SGO2: variants seen among roughly 807,000 people sequenced by gnomAD.
The protein encoded by SGO2 is shugoshin 2, also known as shugoshin-like 2.
Under a neutral mutation model 99.5 loss-of-function variants are expected in SGO2, and 68 were observed. The ratio of observed to expected loss-of-function variants is 0.68; its 90% CI spans 0.56 to 0.84. The LOEUF (loss-of-function observed/expected upper bound fraction) is 0.84. SGO2 is among the 40% of genes least tolerant of loss of function. SGO2 has a pLI of 0.00. For missense variants in SGO2, 1,350 were observed against 1,436.7 expected (o/e 0.94, Z 0.97); for synonymous variants, 457 against 487.1 (o/e 0.94, Z 0.81).
At position 200,571,078 on chromosome 2, in the gene SGO2, T is replaced by C. The variant is rs2033394747; in HGVS notation, c.732T>C (p.Ser244=). ...RESHSHSDQS[S]KTSLMSEMRN... ...GCCATTCCCACTCAGACCAAAGTTC[T>C]AAGACTTCTCTAATGAGTGAGATGA... Residue 244 remains serine (S), a synonymous_variant, in exon 7 of 9, where the codon TCT becomes TCC. Coordinates refer to ENST00000357799, the MANE Select transcript of SGO2 (RefSeq NM_152524.6). 1.9e-6 allele frequency: 3 copies of C among 1,600,768 alleles called. No homozygotes were observed. Among genetic ancestry groups the C allele is most frequent in the Non-Finnish European group, 2.6e-6 (3 of 1,175,446 alleles).
chr2:200,549,109 C>T (rs1438018368), intron 5 of SGO2, among the ~76,000 whole-genome samples: 1 of 152,020 alleles, frequency 6.6e-6, no homozygotes, highest in African/African-American at 2.4e-5. Flanking sequence ...AAAAAATTAG[C>T]TGGGTATGGT....
chr2:200,576,215 C>T, intron 8 of SGO2: 1 of 180,016 alleles, frequency 5.6e-6, no homozygotes, highest in South Asian at 5.5e-5. Flanking sequence ...GACCAAGGGG[C>T]CTTTTTTTTT....
At chr2:200,549,546 A>G (rs2032374303) in intron 5 of SGO2, among the ~76,000 whole-genome samples, 1 of 152,198 alleles carries the variant, frequency 6.6e-6, no homozygotes, top group African/African-American at 2.4e-5. Context: ...ATTAAAAAGA[A>G]CATTCACCAT....
chr2:200,579,918 A>G (rs562922039), intron 8 of SGO2, among the ~76,000 whole-genome samples: 1 of 152,306 alleles, frequency 6.6e-6, no homozygotes, highest in Non-Finnish European at 1.5e-5. Context: ...ATATTTCATT[A>G]TAATTTATAG....
rs755335263 is a variant in SGO2 at position 200,572,659 on chromosome 2, C to G, written c.2313C>G (p.Thr771=). 5 of 1,612,002 alleles carry G rather than the reference C, an allele frequency of 3.1e-6. No individual in the cohort carries two copies. The highest frequency in any genetic ancestry group is 4.2e-6 in the Non-Finnish European group (5 of 1,179,232). Residue 771 remains threonine, a synonymous_variant, in exon 7 of 9, where the codon ACC becomes ACG. Coordinates refer to ENST00000357799, the MANE Select transcript of SGO2 (RefSeq NM_152524.6). The part of the protein sequence containing the change: ...PSEFETPALS[T]KDSGNLYDSE... ...AGTTTGAAACACCTGCTCTTTCTAC[C>G]AAAGATAGTGGAAACCTGTATGATT...
rs1314409098 is a variant in SGO2 at position 200,573,643 on chromosome 2, A to G, written c.3297A>G (p.Ile1099Met). 1 of 1,613,258 alleles carries G rather than the reference A, an allele frequency of 6.2e-7. No homozygotes were observed. ...AGAGCCATGAAGTAATGGAAAGAAT[A>G]CTTGACAGCGTTCAGGGAAAGTCTA... Reference protein sequence around the residue: ...SPESHEVMERILDSVQGKSTV... With the variant: ...SPESHEVMERMLDSVQGKSTV... The change falls in exon 7 of 9, where the codon ATA becomes ATG. Residue 1099 changes from isoleucine to methionine, a missense_variant. Coordinates refer to ENST00000357799, the MANE Select transcript of SGO2 (RefSeq NM_152524.6).
intron 5 of SGO2, among the ~76,000 whole-genome samples, chr2:200,557,308 ACT>A (rs750038577): frequency 2.5e-4 from 38 of 152,044 alleles, no homozygotes; most frequent in Non-Finnish European, 4.9e-4. Flanking sequence ...CCTTTAATCC[ACT>A]CTGTCTTAGG....
Position 200,573,749 on chromosome 2 carries a change from G to T in SGO2, c.3403G>T (p.Ala1135Ser). The T allele has an allele frequency of 6.2e-7, 1 of 1,611,442 alleles. No individual in the cohort carries two copies. Among genetic ancestry groups the T allele is most frequent in the South Asian group, 1.1e-5 (1 of 90,492 alleles). Residue 1135 changes from alanine to serine, a missense_variant, in exon 7 of 9, where the codon GCA (alanine) becomes TCA (serine). Ala to Ser is a moderately conservative substitution (Grantham distance 99). Coordinates refer to ENST00000357799, the MANE Select transcript of SGO2 (RefSeq NM_152524.6). ...VKNKPDFYTK[A>S]FRSLSEIHSP... The stretch of plus-strand genomic sequence containing the variant: ...AAATAAGCCAGACTTTTACACAAAG[G>T]CATTTAGATCTTTGTCTGAGATACA...
At chr2:200,566,414 C>T (rs577362657) in intron 5 of SGO2, among the ~76,000 whole-genome samples, 5 of 152,266 alleles carry the variant, frequency 3.3e-5, no homozygotes, top group African/African-American at 1.2e-4. Context: ...ATGTTGCTGT[C>T]TGATCGTTCC....
intron 5 of SGO2, among the ~76,000 whole-genome samples, chr2:200,560,194 A>G (rs888454865): frequency 2.6e-5 from 4 of 152,106 alleles, no homozygotes; most frequent in Non-Finnish European, 5.9e-5. Flanking sequence ...AATTTTTGCT[A>G]TATGTATTTT....
intron 4 of SGO2, among the ~76,000 whole-genome samples, chr2:200,537,377 C>T (rs2031740126): frequency 6.6e-6 from 1 of 152,138 alleles, no homozygotes. Context: ...TACAGCAAAG[C>T]TTTTTGAGAG....
intron 8 of SGO2, among the ~76,000 whole-genome samples, chr2:200,578,550 T>C (rs758184640): frequency 1.2e-4 from 19 of 152,198 alleles, no homozygotes; most frequent in Non-Finnish European, 2.8e-4. Flanking sequence ...ATTCATTTCC[T>C]TGTGGTTCTG....
rs374197226 is a variant in SGO2 at position 200,548,052 on chromosome 2, C to CT, written c.473+5391dup. ...ACTGCAATACAGTAATAGTAGGGGG[C>CT]TTTAACATCCCACTCTCAGTAATAG... On this transcript the variant is annotated intron_variant, in intron 5 of 8. Transcript: ENST00000357799. 1.5e-3 allele frequency among the ~76,000 whole-genome samples: 227 copies of CT among 149,674 alleles called. 1 individual carries two copies. Among genetic ancestry groups the CT allele is most frequent in the African/African-American group, 5.3e-3 (213 of 40,516 alleles).
chr2:200,556,101 A>T (rs963386127), intron 5 of SGO2, among the ~76,000 whole-genome samples: 1 of 152,104 alleles, frequency 6.6e-6, no homozygotes, highest in Non-Finnish European at 1.5e-5. Flanking sequence ...AGTAGCTGGG[A>T]TTACAGGCAC....
Position 200,533,256 on chromosome 2 carries a change from C to T in SGO2, c.133+148C>T, listed in dbSNP as rs183407745. On this transcript the variant is annotated intron_variant, in intron 2 of 8. Transcript: ENST00000357799. ...ACTTTTTAAATTTGATCCTTCCTAT[C>T]TCCTTCAACTCCTGTTAGTTGGGTG... 2,053 of 767,846 alleles carry T rather than the reference C, an allele frequency of 2.7e-3. 7 individuals carry two copies. Among genetic ancestry groups the T allele is most frequent in the Non-Finnish European group, 3.6e-3 (1,816 of 509,472 alleles). The allele number at this position is 767,846 out of a possible 1,614,324, so 47.6% of individuals were successfully genotyped here. A position where few individuals can be genotyped will look rare whatever the true frequency, so the allele number is the denominator to read the frequency against.
At position 200,570,205 on chromosome 2, in the gene SGO2, CT is replaced by C; in HGVS notation, c.703+320del. 9.4e-6 allele frequency: 3 copies of C among 317,784 alleles called. No individual in the cohort carries two copies. The highest frequency in any genetic ancestry group is 1.7e-5 in the Non-Finnish European group (3 of 176,014). 19.7% of individuals were successfully genotyped at this position (317,784 alleles called of 1,614,324 possible). A position where few individuals can be genotyped will look rare whatever the true frequency, so the allele number is the denominator to read the frequency against. The stretch of plus-strand genomic sequence containing the variant: ...CCATATATTTACTTAGTTTTACCCT[CT>C]TTTTTTGTAGATATGAAAATTGGGG... On this transcript the variant is annotated intron_variant, in intron 6 of 8. Transcript: ENST00000357799. This position sits in a 1 kb window ranked among gnomAD's most constrained non-coding sequence, Gnocchi z 4.4.
At chr2:200,575,965 G>A (rs1330999116) in intron 8 of SGO2, 32 of 258,368 alleles carry the variant, frequency 1.2e-4, no homozygotes, top group South Asian at 1.1e-3. Flanking sequence ...ACACTTTGTC[G>A]AATTTGCTTC....
rs1308796348 is a variant in SGO2, at chr2:200,573,122, G to T, written c.2776G>T (p.Asp926Tyr). 6.3e-7 allele frequency: 1 copy of T among 1,591,412 alleles called. No individual in the cohort carries two copies. Among genetic ancestry groups the T allele is most frequent in the African/African-American group, 1.4e-5 (1 of 73,390 alleles). The change falls in exon 7 of 9, where the codon GAT becomes TAT. Residue 926 changes from aspartate to tyrosine, a missense_variant. Transcript: ENST00000357799. ...TTCTGAAATGAACCAGATATATGAG[G>T]ATAATGATAAAGATGCACATGTCCA... ...IISEMNQIYE[D>Y]NDKDAHVQES...
chr2:200,564,198 A>G (rs934599064), intron 5 of SGO2, among the ~76,000 whole-genome samples: 2 of 152,172 alleles, frequency 1.3e-5, no homozygotes, highest in East Asian at 1.9e-4. Context: ...GTGGGCATTT[A>G]GTGCTGTAAA....
Sources: allele counts gnomAD v4.1 joint callset (sites outside exome capture counted in the v4.1 genomes callset), GRCh38; gene constraint gnomAD v4.1.1; non-coding constraint Gnocchi (gnomAD v3.1); transcripts MANE v1.5; gene names NCBI Gene and HGNC (gene_info 2026-07-23, HGNC 2026-07-21).